ADAMTS16: variants seen among roughly 807,000 people sequenced by gnomAD.
ADAMTS16 encodes the protein A disintegrin and metalloproteinase with thrombospondin motifs 16.
In ADAMTS16, 94 loss-of-function variants were observed where a neutral mutation model predicts 145.8. That is an observed-to-expected ratio of 0.64 (90% confidence interval 0.55 to 0.77). The LOEUF (loss-of-function observed/expected upper bound fraction) is 0.77. ADAMTS16 is among the 30% of genes least tolerant of loss of function. The probability of loss-of-function intolerance (pLI) is 0.00; values close to 1 mark genes in which losing one functional copy is unlikely to be tolerated. For synonymous variants in ADAMTS16, 659 were observed against 604.3 expected (o/e 1.09, Z -1.33); for missense variants, 1,585 against 1,591.5 (o/e 1.00, Z 0.07).
At position 5,140,548 on chromosome 5, in the gene ADAMTS16, C is replaced by T. The variant is rs987561804; in HGVS notation, c.72+9C>T. On this transcript the variant is annotated intron_variant, in intron 1 of 22. Coordinates refer to ENST00000274181, the MANE Select transcript of ADAMTS16 (RefSeq NM_139056.4). ...CGCAGGTGGCCGAGCAGGTGAGTCC[C>T]GGGCGCTCCCACCAGCGCGGAAACC... The T allele has an allele frequency of 1.1e-5, 17 of 1,507,864 alleles. No individual in the cohort carries two copies. In the African/African-American group the frequency reaches 1.4e-4, roughly 13 times the overall value. The allele number at this position is 1,507,864 out of a possible 1,614,324, so 93.4% of individuals were successfully genotyped here. A position where few individuals can be genotyped will look rare whatever the true frequency, so the allele number is the denominator to read the frequency against.
chr5:5,207,447 C>T (rs146348621), intron 9 of ADAMTS16, among the ~76,000 whole-genome samples: 1 of 152,216 alleles, frequency 6.6e-6, no homozygotes, highest in East Asian at 1.9e-4. Context: ...TGGATTCTTT[C>T]AAATTTCTAC....
intron 18 of ADAMTS16, among the ~76,000 whole-genome samples, chr5:5,274,728 G>GCA (rs1291972159): frequency 9.1e-6 from 1 of 109,546 alleles, no homozygotes; most frequent in African/African-American, 3.5e-5. Flanking sequence ...ACACACACAT[G>GCA]CACACACAGA....
intron 4 of ADAMTS16, among the ~76,000 whole-genome samples, chr5:5,184,668 C>A (rs1049539745): frequency 6.6e-6 from 1 of 152,028 alleles, no homozygotes; most frequent in African/African-American, 2.4e-5. Context: ...GGCCTGCTGC[C>A]CTTCAGGTGA....
intron 3 of ADAMTS16, among the ~76,000 whole-genome samples, chr5:5,176,935 TG>T (rs1735214481): frequency 6.6e-6 from 1 of 152,154 alleles, no homozygotes; most frequent in Admixed American, 6.5e-5. Context: ...TTTATTACAC[TG>T]ATCCAGTTTA....
At chr5:5,227,964 ATTG>A (rs1187928809) in intron 11 of ADAMTS16, among the ~76,000 whole-genome samples, 1 of 152,214 alleles carries the variant, frequency 6.6e-6, no homozygotes, top group Non-Finnish European at 1.5e-5. Context: ...AACAGAACAT[ATTG>A]TTAAGTGGAA....
In ADAMTS16 at chr5:5,140,676, G is replaced by A; in HGVS notation, c.85G>A (p.Ala29Thr). 6.4e-7 allele frequency: 1 copy of A among 1,556,722 alleles called. No individual in the cohort carries two copies. The highest frequency in any genetic ancestry group is 8.7e-7 in the Non-Finnish European group (1 of 1,154,340). The part of the protein sequence containing the change: ...AQVAEQAPAC[A>T]MGPAAAAPGS... ...CTGTTTTCCGCAGGCACCTGCGTGC[G>A]CCATGGGACCCGCAGCGGCAGCGCC... The change falls in exon 2 of 23, where the codon GCC becomes ACC. Residue 29 changes from alanine (A) to threonine (T), a missense_variant. Physicochemically the swap from Ala to Thr is moderately conservative, Grantham distance 58. This residue lies in a region of ADAMTS16 where 453 missense variants were observed against 412.1 expected (regional missense o/e 1.10). Transcript: ENST00000274181.
At chr5:5,289,810 G>T (rs370277145) in intron 18 of ADAMTS16, among the ~76,000 whole-genome samples, 1 of 152,148 alleles carries the variant, frequency 6.6e-6, no homozygotes, top group South Asian at 2.1e-4. Flanking sequence ...GATCTCCACC[G>T]GCCTGAAATA....
At chr5:5,262,470 C>T (rs1260546602) in intron 17 of ADAMTS16, among the ~76,000 whole-genome samples, 187 bp from the exon 18 acceptor site, 1 of 152,140 alleles carries the variant, frequency 6.6e-6, no homozygotes, top group East Asian at 1.9e-4. Flanking sequence ...GAATGAAATT[C>T]ACGAATTACA....
At chr5:5,301,420 A>G (rs982951706) in intron 18 of ADAMTS16, among the ~76,000 whole-genome samples, 17 of 152,194 alleles carry the variant, frequency 1.1e-4, no homozygotes, top group Admixed American at 1.0e-3. Context: ...TAAAACTTGC[A>G]TATACTGCCT....
intron 3 of ADAMTS16, among the ~76,000 whole-genome samples, chr5:5,161,023 T>G (rs1378167065): frequency 6.6e-6 from 1 of 152,226 alleles, no homozygotes; most frequent in Non-Finnish European, 1.5e-5. Context: ...CATACCTTAG[T>G]AATCACATTA....
intron 9 of ADAMTS16, among the ~76,000 whole-genome samples, chr5:5,204,045 G>A (rs925296762): frequency 2.6e-5 from 4 of 152,146 alleles, no homozygotes; most frequent in Non-Finnish European, 4.4e-5. Context: ...CAGTGCCAGG[G>A]TGACTCTAAG....
chr5:5,155,869 C>T lies in ADAMTS16; in HGVS notation c.501+9414C>T, dbSNP rs1025715166. Among the ~76,000 whole-genome samples, 4 of 151,376 alleles carry T rather than the reference C, an allele frequency of 2.6e-5. No individual in the cohort carries two copies. In the South Asian group the frequency reaches 6.3e-4, roughly 24 times the overall value. On this transcript the variant is annotated intron_variant, in intron 3 of 22. Coordinates refer to ENST00000274181, the MANE Select transcript of ADAMTS16 (RefSeq NM_139056.4). ...GGGGACAGACAGGAAGTGAGGGAGC[C>T]AACAGAAAGTCCACAGGGGTTAGAC...
intron 8 of ADAMTS16, among the ~76,000 whole-genome samples, chr5:5,199,165 C>T (rs1735888068): frequency 6.6e-6 from 1 of 152,292 alleles, no homozygotes; most frequent in South Asian, 2.1e-4. Context: ...GGCCCTCCTA[C>T]AGCTTTCACA....
intron 9 of ADAMTS16, among the ~76,000 whole-genome samples, chr5:5,201,626 C>G (rs1428025): frequency 0.73 from 110,252 of 151,806 alleles, 40,308 homozygotes; most frequent in Admixed American, 0.8. Flanking sequence ...TGAGTTTAGA[C>G]GTTTGCATGC....
intron 3 of ADAMTS16, among the ~76,000 whole-genome samples, chr5:5,169,137 C>G (rs1226280069): frequency 6.6e-6 from 1 of 152,090 alleles, no homozygotes; most frequent in Non-Finnish European, 1.5e-5. Context: ...CTTCACAGGT[C>G]TACAGCAAAG....
At chr5:5,156,378 G>A (rs1734603133) in intron 3 of ADAMTS16, among the ~76,000 whole-genome samples, 1 of 152,122 alleles carries the variant, frequency 6.6e-6, no homozygotes, top group Non-Finnish European at 1.5e-5. Flanking sequence ...AATGATTTTT[G>A]CAATGGAGGA....
chr5:5,281,052 G>A (rs555083709), intron 18 of ADAMTS16, among the ~76,000 whole-genome samples: 10 of 152,334 alleles, frequency 6.6e-5, no homozygotes, highest in African/African-American at 2.4e-4. Flanking sequence ...GCTAAATAAT[G>A]ACAGTTCTTT....
At chr5:5,187,917 CA>C in intron 6 of ADAMTS16, 109 bp downstream of exon 6, 1 of 658,560 alleles carries the variant, frequency 1.5e-6, no homozygotes, top group South Asian at 2.1e-5. Flanking sequence ...CTCTCGAGGG[CA>C]AAATGTATTT....
intron 17 of ADAMTS16, among the ~76,000 whole-genome samples, chr5:5,250,079 G>A (rs1737574136): frequency 6.6e-6 from 1 of 152,144 alleles, no homozygotes; most frequent in Non-Finnish European, 1.5e-5. Flanking sequence ...CTGAGTCTGA[G>A]GTTTGGGGTT....
Sources: allele counts gnomAD v4.1 joint callset (sites outside exome capture counted in the v4.1 genomes callset), GRCh38; gene constraint gnomAD v4.1.1; regional missense constraint gnomAD v4.1.1; transcripts MANE v1.5; gene names NCBI Gene and HGNC (gene_info 2026-07-23, HGNC 2026-07-21).